The following BRWD1 variants were observed in gnomAD, a reference collection of about 807,000 sequenced individuals.
BRWD1 encodes bromodomain and WD repeat domain containing 1, also known as bromodomain and WD repeat-containing protein 1.
A neutral mutation model predicts 251.2 loss-of-function variants in BRWD1; 82 were observed. The ratio of observed to expected loss-of-function variants is 0.33; its 90% CI spans 0.27 to 0.39. The LOEUF is 0.39. Ranked by LOEUF, BRWD1 falls within the 10% of genes least tolerant of loss-of-function variation. The pLI is 1.00. For synonymous variants in BRWD1, 918 were observed against 902.8 expected, an observed-to-expected ratio of 1.02 and a Z score of -0.30; for missense variants, 2,233 against 2,711.6, an observed-to-expected ratio of 0.82 and a Z score of 3.92.
chr21:39,314,596 T>C, upstream of BRWD1: 1 of 346,872 alleles, frequency 2.9e-6, no homozygotes, highest in South Asian at 2.2e-5. Flanking sequence ...GCCAGGCTTC[T>C]GACCTAACTA....
Position 39,232,287 on chromosome 21 carries a change from A to G in BRWD1, c.2893-3T>C. The stretch of plus-strand genomic sequence containing the variant: ...TGACCCTGTCGAAAATATATTACCT[A>G]CAAAAGGGAAATATGCATTTAAAAA... On this transcript the variant is annotated splice_region_variant and splice_polypyrimidine_tract_variant and intron_variant, in intron 24 of 40. Coordinates refer to ENST00000342449, the MANE Select transcript of BRWD1 (RefSeq NM_033656.4). 4 of 1,606,482 alleles carry G rather than the reference A, an allele frequency of 2.5e-6. No individual in the cohort carries two copies. The highest frequency in any genetic ancestry group is 2.5e-6 in the Non-Finnish European group (3 of 1,177,276).
Position 39,291,774 on chromosome 21 carries a change from T to C in BRWD1, c.831+2037A>G, listed in dbSNP as rs2035814799. Among the ~76,000 whole-genome samples, 5 of 152,108 alleles carry C rather than the reference T, an allele frequency of 3.3e-5. No individual in the cohort carries two copies. In the South Asian group the frequency reaches 1.0e-3, roughly 32 times the overall value. ...CATATGTGTCAGCATGATTCCTTAGTGCATCTGCACACCCTGTGCTCCATC... is the reference window on the plus strand; with the variant it reads ...CATATGTGTCAGCATGATTCCTTAGCGCATCTGCACACCCTGTGCTCCATC... On this transcript the variant is annotated intron_variant, in intron 8 of 40. Coordinates refer to ENST00000342449, the MANE Select transcript of BRWD1 (RefSeq NM_033656.4).
At chr21:39,213,291 T>C (rs1318500882) in intron 33 of BRWD1, among the ~76,000 whole-genome samples, 190 bp downstream of exon 33, 1 of 152,236 alleles carries the variant, frequency 6.6e-6, no homozygotes, top group Non-Finnish European at 1.5e-5. Context: ...CACTTAGATA[T>C]ATTTTGATAT....
intron 7 of BRWD1, among the ~76,000 whole-genome samples, chr21:39,295,187 T>G (rs866505338): frequency 0.052 from 6,788 of 129,490 alleles, 604 homozygotes; most frequent in African/African-American, 0.19. Context: ...TTTTTTTTTT[T>G]TTTTTTTTTT....
chr21:39,268,298 G>A (rs1241615250), intron 15 of BRWD1, among the ~76,000 whole-genome samples: 1 of 151,982 alleles, frequency 6.6e-6, no homozygotes, highest in African/African-American at 2.4e-5. Flanking sequence ...AAATTAGCTG[G>A]ATGTGATGGC....
intron 4 of BRWD1, 71 bp downstream of exon 4, chr21:39,312,770 C>A: frequency 1.5e-6 from 2 of 1,356,638 alleles, no homozygotes; most frequent in Non-Finnish European, 2.0e-6. Flanking sequence ...CCGGGGTCCC[C>A]GCGAGGGGAA....
In BRWD1 at chr21:39,210,772, C is replaced by A. The variant is rs779950717; in HGVS notation, c.4044+14G>T. 1.3e-6 allele frequency: 2 copies of A among 1,594,790 alleles called. No homozygotes were observed. Among genetic ancestry groups the A allele is most frequent in the Admixed American group, 3.7e-5 (2 of 54,084 alleles). Reference sequence around the variant, plus strand: ...ACAAGAAAAGCCCCAAACATTTAAACAATGGAAACTTACTGGATATTCAAC... The same window carrying A: ...ACAAGAAAAGCCCCAAACATTTAAAAAATGGAAACTTACTGGATATTCAAC... On this transcript the variant is annotated intron_variant, in intron 35 of 40. Coordinates refer to ENST00000342449, the MANE Select transcript of BRWD1 (RefSeq NM_033656.4).
Position 39,194,431 on chromosome 21 carries a change from T to C in BRWD1, c.*1828A>G. On this transcript the variant is annotated 3_prime_UTR_variant, in exon 41 of 41. Transcript: ENST00000342449. ...AGGCATCCCATTAGTCTTTTCAGTC[T>C]TAGTCAAGGACAATTATCATGAATC... 1 of 1,263,356 alleles carries C rather than the reference T, an allele frequency of 7.9e-7. No individual in the cohort carries two copies. Among genetic ancestry groups the C allele is most frequent in the Non-Finnish European group, 1.0e-6 (1 of 1,003,988 alleles). The allele number at this position is 1,263,356 out of a possible 1,614,324, so 78.3% of individuals were successfully genotyped here. A position where few individuals can be genotyped will look rare whatever the true frequency, so the allele number is the denominator to read the frequency against.
chr21:39,318,216 A>C (rs1391222019), upstream of BRWD1, among the ~76,000 whole-genome samples: 7 of 152,204 alleles, frequency 4.6e-5, no homozygotes, highest in Admixed American at 2.6e-4. Context: ...CATATCTAGA[A>C]AATGGTGACC....
rs1455917818 is a variant in BRWD1 at position 39,296,329 on chromosome 21, A to T, written c.384T>A (p.Phe128Leu). The T allele has an allele frequency of 6.2e-7, 1 of 1,600,594 alleles. No individual in the cohort carries two copies. The highest frequency in any genetic ancestry group is 8.5e-7 in the Non-Finnish European group (1 of 1,174,802). Residue 128 changes from phenylalanine (F) to leucine (L), a missense_variant, in exon 6 of 41, where the codon TTT (phenylalanine) becomes TTA (leucine). Physicochemically the swap from Phe to Leu is conservative, Grantham distance 22 (BLOSUM62 0). Coordinates refer to ENST00000342449, the MANE Select transcript of BRWD1 (RefSeq NM_033656.4). ...CRHTVWKGSAFAALHRGRPPE... is the reference protein window; with the variant it reads ...CRHTVWKGSALAALHRGRPPE... ...GAGGTCTTCCTCTATGAAGAGCAGC[A>T]AAGGCAGAGCCCTTCCAAACTGTGT...
Position 39,196,525 on chromosome 21 carries a change from T to C in BRWD1, c.6544A>G (p.Lys2182Glu). The C allele has an allele frequency of 6.2e-7, 1 of 1,613,706 alleles. No homozygotes were observed. Among genetic ancestry groups the C allele is most frequent in the Non-Finnish European group, 8.5e-7 (1 of 1,179,792 alleles). Reference protein sequence around the residue: ...DNTKTKRRKTKGKAKVVRKGK... With the variant: ...DNTKTKRRKTEGKAKVVRKGK... ...TTTCTAACTACTTTTGCTTTTCCTT[T>C]CGTTTTCCTCCTTTTGGTTTTTGTA... The change falls in exon 41 of 41, where the codon AAA (lysine) becomes GAA (glutamate). Residue 2182 changes from lysine to glutamate, a missense_variant. Transcript: ENST00000342449.
At chr21:39,312,685 A>T in intron 4 of BRWD1, 156 bp downstream of exon 4, 1 of 456,610 alleles carries the variant, frequency 2.2e-6, no homozygotes, top group Non-Finnish European at 3.9e-6. Flanking sequence ...TCAAAAACAA[A>T]ACAAAATCTT....
rs1416528921 is a variant in BRWD1 at position 39,191,382 on chromosome 21, T to A, written c.*4877A>T. 2 of 985,244 alleles carry A rather than the reference T, an allele frequency of 2.0e-6. No individual in the cohort carries two copies. Among genetic ancestry groups the A allele is most frequent in the Admixed American group, 6.2e-5 (1 of 16,252 alleles). The allele number at this position is 985,244 out of a possible 1,614,324, so 61.0% of individuals were successfully genotyped here. ...TCTGGAATTAACCAGCTAGAATGTATTTGGCTTGGAGTAGTGTTTTGTTTT... is the reference window on the plus strand; with the variant it reads ...TCTGGAATTAACCAGCTAGAATGTAATTGGCTTGGAGTAGTGTTTTGTTTT... On this transcript the variant is annotated 3_prime_UTR_variant, in exon 41 of 41. Coordinates refer to ENST00000342449, the MANE Select transcript of BRWD1 (RefSeq NM_033656.4).
chr21:39,309,031 G>T (rs2036380150), intron 4 of BRWD1, among the ~76,000 whole-genome samples: 1 of 151,990 alleles, frequency 6.6e-6, no homozygotes. Context: ...AAAATTAGCT[G>T]GGCATAGTGG....
intron 21 of BRWD1, among the ~76,000 whole-genome samples, 191 bp downstream of exon 21, chr21:39,247,510 T>A (rs1170275950): frequency 6.6e-6 from 1 of 152,226 alleles, no homozygotes; most frequent in African/African-American, 2.4e-5. Flanking sequence ...ACCACTGGAT[T>A]GCACAAGTAT....
intron 15 of BRWD1, among the ~76,000 whole-genome samples, chr21:39,268,814 G>A (rs1055857550): frequency 3.3e-5 from 5 of 152,066 alleles, no homozygotes; most frequent in South Asian, 2.1e-4. Context: ...GTGAAACCCC[G>A]TCTCTACTAA....
intron 14 of BRWD1, 38 bp from the exon 15 acceptor site, chr21:39,270,071 C>A: frequency 6.7e-7 from 1 of 1,486,688 alleles, no homozygotes; most frequent in African/African-American, 1.4e-5. Flanking sequence ...GGAGGGTTTA[C>A]AAGTTACAAA....
At chr21:39,211,342 G>A (rs2032648820) in intron 34 of BRWD1, among the ~76,000 whole-genome samples, 1 of 152,054 alleles carries the variant, frequency 6.6e-6, no homozygotes, top group Non-Finnish European at 1.5e-5. Context: ...CATGAGAAAA[G>A]GTATTTTGCA....
chr21:39,255,901 A>G, intron 18 of BRWD1, 73 bp from the exon 19 acceptor site: 2 of 1,348,590 alleles, frequency 1.5e-6, no homozygotes, highest in African/African-American at 2.9e-5. Flanking sequence ...TAACAAGCAC[A>G]CGTTCACCTA....
Sources: allele counts gnomAD v4.1 joint callset (sites outside exome capture counted in the v4.1 genomes callset), GRCh38; gene constraint gnomAD v4.1.1; transcripts MANE v1.5; gene names NCBI Gene and HGNC (gene_info 2026-07-23, HGNC 2026-07-21).